The following FHIT variants were observed in gnomAD, a reference collection of about 807,000 sequenced individuals.
FHIT encodes the protein fragile histidine triad diadenosine triphosphatase.
A neutral mutation model predicts 17.9 loss-of-function variants in FHIT; 19 were observed. The ratio of observed to expected loss-of-function variants is 1.06; its 90% CI spans 0.74 to 1.56. The LOEUF (loss-of-function observed/expected upper bound fraction) is 1.56, where lower values mean the gene tolerates loss of function less well. Among genes scored for constraint, FHIT ranks in the 40% most tolerant of loss-of-function variants. The probability of loss-of-function intolerance (pLI) is 0.00; values close to 1 mark genes in which losing one functional copy is unlikely to be tolerated. For missense variants in FHIT, 248 were observed against 189.2 expected, an observed-to-expected ratio of 1.31 and a Z score of -1.82; for synonymous variants, 81 against 69.7, an observed-to-expected ratio of 1.16 and a Z score of -0.81.
chr3:60,966,846 T>TACATTTTACACATAAAGTCC (rs1709767259), intron 3 of FHIT, among the ~76,000 whole-genome samples: 1 of 152,200 alleles, frequency 6.6e-6, no homozygotes, highest in South Asian at 2.1e-4. Flanking sequence ...AGAACTGTGG[T>TACATTTTACACATAAAGTCC]ACATTTTACA....
intron 4 of FHIT, among the ~76,000 whole-genome samples, chr3:60,542,064 C>T (rs1387249791): frequency 6.6e-6 from 1 of 152,126 alleles, no homozygotes; most frequent in African/African-American, 2.4e-5. Flanking sequence ...TGTGTACATA[C>T]ATTTTTTGTC....
chr3:60,240,727 C>T (rs1160044874), intron 5 of FHIT, among the ~76,000 whole-genome samples: 1 of 152,124 alleles, frequency 6.6e-6, no homozygotes, highest in Admixed American at 6.5e-5. Flanking sequence ...AACCTGCACT[C>T]CTTTGTTTGT....
At chr3:61,065,993 A>T (rs183982086) in intron 2 of FHIT, among the ~76,000 whole-genome samples, 9 of 152,136 alleles carry the variant, frequency 5.9e-5, no homozygotes, top group African/African-American at 2.2e-4. Context: ...TTAGCTTACA[A>T]TTCTGGAGTC....
At chr3:59,765,111 A>G (rs1701730887) in intron 8 of FHIT, among the ~76,000 whole-genome samples, 2 of 152,212 alleles carry the variant, frequency 1.3e-5, no homozygotes, top group Non-Finnish European at 2.9e-5. Context: ...AAGCTGAAAT[A>G]TTATAGAGAG....
rs920657029 is a variant in FHIT at position 60,179,745 on chromosome 3, T to C, written c.104-165593A>G. Among the ~76,000 whole-genome samples the C allele has an allele frequency of 4.6e-5, 7 of 152,192 alleles. 1 individual carries two copies. The highest frequency in any genetic ancestry group is 2.6e-4 in the Admixed American group (4 of 15,280). Reference sequence around the variant, plus strand: ...ATCCAAGGTCATGAAAACAGGCATCTGGCCCCAGCTAGAACCCTGGTCTAG... The same window carrying C: ...ATCCAAGGTCATGAAAACAGGCATCCGGCCCCAGCTAGAACCCTGGTCTAG... On this transcript the variant is annotated intron_variant, in intron 5 of 9. Transcript: ENST00000492590.
At chr3:60,220,395 T>C (rs1472292291) in intron 5 of FHIT, among the ~76,000 whole-genome samples, 1 of 152,108 alleles carries the variant, frequency 6.6e-6, no homozygotes, top group Non-Finnish European at 1.5e-5. Flanking sequence ...TTATTAAAGT[T>C]ATATTCCTCA....
At chr3:60,162,533 C>G (rs986566171) in intron 5 of FHIT, among the ~76,000 whole-genome samples, 1 of 152,166 alleles carries the variant, frequency 6.6e-6, no homozygotes, top group South Asian at 2.1e-4. Flanking sequence ...AGTGGGGCAT[C>G]TGGTTTTCTT....
chr3:60,343,021 G>T (rs952646480), intron 5 of FHIT, among the ~76,000 whole-genome samples: 1 of 152,026 alleles, frequency 6.6e-6, no homozygotes, highest in Non-Finnish European at 1.5e-5. Context: ...AGTCTATAGC[G>T]ATTTGTTTAC....
At chr3:60,129,376 A>G (rs569861733) in intron 5 of FHIT, among the ~76,000 whole-genome samples, 1 of 152,042 alleles carries the variant, frequency 6.6e-6, no homozygotes, top group African/African-American at 2.4e-5. Context: ...ATCAATTTAC[A>G]TTTCTACATC....
At chr3:60,005,541 A>T (rs2106647652) in intron 7 of FHIT, among the ~76,000 whole-genome samples, 1 of 152,256 alleles carries the variant, frequency 6.6e-6, no homozygotes, top group South Asian at 2.1e-4. Flanking sequence ...CCACTCCCAC[A>T]TGTACACCCA....
chr3:60,203,659 G>A (rs1223714794), intron 5 of FHIT, among the ~76,000 whole-genome samples: 1 of 151,990 alleles, frequency 6.6e-6, no homozygotes, highest in Non-Finnish European at 1.5e-5. Flanking sequence ...TGATCTTTAA[G>A]AACACAAAAA....
At chr3:60,711,339 A>C (rs2041525426) in intron 4 of FHIT, among the ~76,000 whole-genome samples, 1 of 152,212 alleles carries the variant, frequency 6.6e-6, no homozygotes, top group Non-Finnish European at 1.5e-5. Flanking sequence ...CAAGAGCAAA[A>C]AAACTGGAAA....
At chr3:60,445,678 C>T (rs923469928) in intron 5 of FHIT, among the ~76,000 whole-genome samples, 1 of 151,962 alleles carries the variant, frequency 6.6e-6, no homozygotes, top group Non-Finnish European at 1.5e-5. Context: ...CCTGTCTGAA[C>T]TTGCTTTTCT....
intron 2 of FHIT, among the ~76,000 whole-genome samples, chr3:61,186,032 C>T (rs2038497298): frequency 6.6e-6 from 1 of 152,182 alleles, no homozygotes; most frequent in African/African-American, 2.4e-5. Flanking sequence ...TATAATTAAC[C>T]TGCACCATTA....
intron 2 of FHIT, among the ~76,000 whole-genome samples, chr3:61,139,913 G>A (rs1392216778): frequency 2.0e-5 from 3 of 150,622 alleles, no homozygotes; most frequent in Non-Finnish European, 4.4e-5. Context: ...CAGAAAAAAA[G>A]ATTCAAAAAC....
chr3:60,483,862 C>T (rs868421444), intron 5 of FHIT, among the ~76,000 whole-genome samples: 7 of 152,092 alleles, frequency 4.6e-5, no homozygotes, highest in African/African-American at 7.2e-5. Flanking sequence ...AAAGAGTATT[C>T]GCATAGGAAG....
intron 3 of FHIT, among the ~76,000 whole-genome samples, chr3:60,855,930 A>G (rs923703332): frequency 6.6e-6 from 1 of 152,124 alleles, no homozygotes; most frequent in Admixed American, 6.6e-5. Flanking sequence ...CCTTGTAAAC[A>G]CCCATGTTAT....
intron 5 of FHIT, among the ~76,000 whole-genome samples, chr3:60,360,189 C>G (rs1348763745): frequency 2.0e-5 from 3 of 151,818 alleles, no homozygotes; most frequent in South Asian, 2.1e-4. Flanking sequence ...ATTAATCAAA[C>G]TATTAAACAC....
intron 5 of FHIT, among the ~76,000 whole-genome samples, chr3:60,228,135 T>G (rs17062536): frequency 0.027 from 4,134 of 152,304 alleles, 77 homozygotes; most frequent in Middle Eastern, 0.088. Flanking sequence ...CTTTTAATTT[T>G]TGAACTCCCA....
Sources: allele counts gnomAD v4.1 joint callset (sites outside exome capture counted in the v4.1 genomes callset), GRCh38; gene constraint gnomAD v4.1.1; transcripts MANE v1.5; gene names NCBI Gene and HGNC (gene_info 2026-07-23, HGNC 2026-07-21).